Variants in KAZN observed in about 807,000 individuals in gnomAD.
KAZN encodes kazrin.
A neutral mutation model predicts 87.4 loss-of-function variants in KAZN; 40 were observed. The observed-to-expected ratio is 0.46, with a 90% confidence interval of 0.36 to 0.60. KAZN has a LOEUF of 0.60. Ranked by LOEUF, KAZN falls within the 20% of genes least tolerant of loss-of-function variation. KAZN has a pLI of 0.00. For synonymous variants in KAZN, 466 were observed against 458.3 expected, an observed-to-expected ratio of 1.02 and a Z score of -0.22; for missense variants, 898 against 1,073.9, an observed-to-expected ratio of 0.84 and a Z score of 2.29.
chr1:14,715,016 C>T (rs1392593008), intron 1 of KAZN, among the ~76,000 whole-genome samples: 1 of 151,932 alleles, frequency 6.6e-6, no homozygotes, highest in Middle Eastern at 3.2e-3. Context: ...AGGCTGGTCT[C>T]AAACTCCTCA....
rs544420060 is a variant in KAZN, at chr1:14,706,021, G to A, written c.226+106798G>A. On this transcript the variant is annotated intron_variant, in intron 1 of 14. Transcript: ENST00000376030. ...TGGCTCACATTACCACCTGAGCTCC[G>A]CCTCCTGGAGCTCAGGATCATCAGC... 3.4e-4 allele frequency among the ~76,000 whole-genome samples: 52 copies of A among 152,124 alleles called. 1 individual carries two copies. The highest frequency in any genetic ancestry group is 6.8e-3 in the Middle Eastern group (2 of 292).
chr1:14,269,936 C>T (rs1651788659), intron 2 of KAZN, among the ~76,000 whole-genome samples: 1 of 152,118 alleles, frequency 6.6e-6, no homozygotes, highest in Non-Finnish European at 1.5e-5. Context: ...ATACCTGAGA[C>T]CAGGTAGTTC....
intron 2 of KAZN, among the ~76,000 whole-genome samples, chr1:14,334,842 C>T (rs1657113502): frequency 6.6e-6 from 1 of 151,912 alleles, no homozygotes; most frequent in Non-Finnish European, 1.5e-5. Flanking sequence ...AGACACAGGA[C>T]AAACGCAGAG....
At chr1:13,950,744 C>T (rs1641315134) in intron 1 of KAZN, among the ~76,000 whole-genome samples, 1 of 152,162 alleles carries the variant, frequency 6.6e-6, no homozygotes, top group Non-Finnish European at 1.5e-5. Flanking sequence ...CCTCATCAGC[C>T]ACTCATTCTT....
intron 1 of KAZN, among the ~76,000 whole-genome samples, chr1:14,018,409 G>T (rs1640669080): frequency 1.3e-5 from 2 of 152,194 alleles, no homozygotes; most frequent in Admixed American, 1.3e-4. Context: ...GTGTGAACTT[G>T]CTGATCTTCG....
At chr1:14,581,955 A>T (rs1050940119) in intron 2 of KAZN, among the ~76,000 whole-genome samples, 1 of 151,828 alleles carries the variant, frequency 6.6e-6, no homozygotes, top group Non-Finnish European at 1.5e-5. Context: ...CCCACACATT[A>T]TATACTTACA....
intron 2 of KAZN, among the ~76,000 whole-genome samples, chr1:14,361,915 G>A (rs1659549418): frequency 2.0e-5 from 3 of 152,202 alleles, no homozygotes; most frequent in Admixed American, 2.0e-4. Flanking sequence ...GGTGAAGAAA[G>A]GCTTTTTTGA....
intron 1 of KAZN, among the ~76,000 whole-genome samples, chr1:14,810,802 C>A (rs750271937): frequency 6.6e-6 from 1 of 152,108 alleles, no homozygotes; most frequent in African/African-American, 2.4e-5. Context: ...GCAAGAAAGC[C>A]GAGTCATGAG....
chr1:14,829,604 G>A (rs1646997147), intron 1 of KAZN, among the ~76,000 whole-genome samples: 1 of 152,202 alleles, frequency 6.6e-6, no homozygotes, highest in Non-Finnish European at 1.5e-5. Context: ...TTGCCAGCTT[G>A]TCCCTTGTCC....
chr1:14,129,996 C>A (rs1644958045), intron 1 of KAZN, among the ~76,000 whole-genome samples: 2 of 152,172 alleles, frequency 1.3e-5, no homozygotes, highest in South Asian at 4.1e-4. Flanking sequence ...CAGCAACCTG[C>A]ATACATAATA....
intron 1 of KAZN, among the ~76,000 whole-genome samples, chr1:14,686,793 G>A (rs2148774433): frequency 6.6e-6 from 1 of 152,342 alleles, no homozygotes; most frequent in African/African-American, 2.4e-5. Context: ...CATTTGCGGT[G>A]GGGCTGCATG....
chr1:14,332,847 CA>C (rs1656949824), intron 2 of KAZN, among the ~76,000 whole-genome samples: 2 of 147,484 alleles, frequency 1.4e-5, no homozygotes, highest in South Asian at 4.4e-4. Context: ...AGGTGCTCAG[CA>C]AAACTGAAAT....
At chr1:15,052,921 A>G (rs1674564120) in intron 4 of KAZN, among the ~76,000 whole-genome samples, 1 of 152,184 alleles carries the variant, frequency 6.6e-6, no homozygotes, top group Non-Finnish European at 1.5e-5. Context: ...GGGAGAAGGA[A>G]GCCGATGGGT....
intron 2 of KAZN, among the ~76,000 whole-genome samples, chr1:14,305,505 G>T (rs1654856643): frequency 6.6e-6 from 1 of 152,046 alleles, no homozygotes; most frequent in Non-Finnish European, 1.5e-5. Context: ...ATGCCCATTT[G>T]CTGAACCAAA....
At chr1:14,378,669 T>C (rs1015000836) in intron 2 of KAZN, among the ~76,000 whole-genome samples, 12 of 152,166 alleles carry the variant, frequency 7.9e-5, no homozygotes, top group Non-Finnish European at 1.5e-4. Context: ...ACTCAGCAGA[T>C]GCCTGCCCGC....
At chr1:14,148,122 C>A (rs375850746) in intron 1 of KAZN, among the ~76,000 whole-genome samples, 1 of 152,004 alleles carries the variant, frequency 6.6e-6, no homozygotes, top group East Asian at 1.9e-4. Flanking sequence ...TCACTTGAGC[C>A]CAGGAGGTTG....
At chr1:14,656,945 G>C (rs1176127694) in intron 1 of KAZN, among the ~76,000 whole-genome samples, 1 of 152,194 alleles carries the variant, frequency 6.6e-6, no homozygotes, top group East Asian at 1.9e-4. Flanking sequence ...CCAGGAAACT[G>C]AAGTTGGCGG....
chr1:14,412,826 G>A (rs1360239399), intron 2 of KAZN, among the ~76,000 whole-genome samples: 1 of 151,344 alleles, frequency 6.6e-6, no homozygotes, highest in Non-Finnish European at 1.5e-5. Context: ...ACAATATGGG[G>A]AGGGGATTTT....
rs1648599176 is a variant in KAZN at position 14,845,309 on chromosome 1, TTAGG to T, written c.227-115365_227-115362del. ...TGGGGGTGGATGGATAGATGGATGA[TTAGG>T]TAGGTAGGTGGATGGACGGATGGAT... On this transcript the variant is annotated intron_variant, in intron 1 of 14. Coordinates refer to ENST00000376030, the MANE Select transcript of KAZN (RefSeq NM_201628.3). 2.3e-5 allele frequency among the ~76,000 whole-genome samples: 3 copies of T among 129,738 alleles called. No homozygotes were observed. In the South Asian group the frequency reaches 7.5e-4, roughly 32 times the overall value. 85.1% of individuals were successfully genotyped at this position (129,738 alleles called of 152,430 possible).
Sources: allele counts gnomAD v4.1 joint callset (sites outside exome capture counted in the v4.1 genomes callset), GRCh38; gene constraint gnomAD v4.1.1; transcripts MANE v1.5; gene names NCBI Gene and HGNC (gene_info 2026-07-23, HGNC 2026-07-21).